The following LANCL1 variants were observed in gnomAD, a reference collection of about 807,000 sequenced individuals.
The protein encoded by LANCL1 is LanC like glutathione S-transferase 1, also known as glutathione S-transferase LANCL1.
In LANCL1, 50 loss-of-function variants were observed where a neutral mutation model predicts 50.6. The observed-to-expected ratio is 0.99, with a 90% CI of 0.79 to 1.25. The LOEUF is 1.25. Ranked by LOEUF, LANCL1 falls within the 50% of genes most tolerant of loss-of-function variation. The pLI is 0.00. For missense variants in LANCL1, 532 were observed against 480.7 expected, an observed-to-expected ratio of 1.11 and a Z score of -1.00; for synonymous variants, 188 against 178.6, an observed-to-expected ratio of 1.05 and a Z score of -0.42.
rs774324892 is a variant in LANCL1 at position 210,455,201 on chromosome 2, T to C, written c.313A>G (p.Thr105Ala). ...SLNCLTKRSI[T>A]FLCGDAGPLA... ...GGGCCTGCATCCCCACAAAGGAAGG[T>C]GATGGAGCGCTTGGTTAAGCAGTTC... The change falls in exon 4 of 10, where the codon ACC (threonine) becomes GCC (alanine). Residue 105 changes from threonine to alanine, a missense_variant. Thr to Ala is a moderately conservative substitution (Grantham distance 58). Transcript: ENST00000450366. The C allele has an allele frequency of 6.2e-7, 1 of 1,613,338 alleles. No homozygotes were observed. The highest frequency in any genetic ancestry group is 2.2e-5 in the East Asian group (1 of 44,846).
At position 210,433,308 on chromosome 2, in the gene LANCL1, T is replaced by C. The variant is rs989401964; in HGVS notation, c.*1179A>G. 6.6e-6 allele frequency: 1 copy of C among 152,206 alleles called. No individual in the cohort carries two copies. Among genetic ancestry groups the C allele is most frequent in the Admixed American group, 6.5e-5 (1 of 15,278 alleles). 9.4% of individuals were successfully genotyped at this position (152,206 alleles called of 1,614,324 possible). ...TCTGTGGTCTCAGAAACTGATGAAT[T>C]GTTAAGTCTAGGATACGCAAAGATG... On this transcript the variant is annotated 3_prime_UTR_variant, in exon 10 of 10. Transcript: ENST00000450366.
chr2:210,451,717 A>T (rs1358253126), intron 4 of LANCL1, among the ~76,000 whole-genome samples: 2 of 152,138 alleles, frequency 1.3e-5, no homozygotes, highest in Admixed American at 6.5e-5. Context: ...CCCCCATAGC[A>T]CTCACAGCCC....
intron 3 of LANCL1, among the ~76,000 whole-genome samples, chr2:210,470,868 C>T (rs978815558): frequency 7.9e-5 from 12 of 152,058 alleles, no homozygotes; most frequent in Non-Finnish European, 1.3e-4. Context: ...AAATTCCACT[C>T]CTTAAAATCA....
At chr2:210,470,413 C>G (rs1458236722) in intron 3 of LANCL1, among the ~76,000 whole-genome samples, 2 of 151,920 alleles carry the variant, frequency 1.3e-5, no homozygotes, top group African/African-American at 2.4e-5. Flanking sequence ...ATCTGTCTTC[C>G]CTACCCTTGT....
intron 3 of LANCL1, among the ~76,000 whole-genome samples, chr2:210,469,499 A>G (rs1438955135): frequency 6.6e-6 from 1 of 152,148 alleles, no homozygotes; most frequent in Non-Finnish European, 1.5e-5. Context: ...CCATTAGCAA[A>G]TTTATCTAGA....
Position 210,435,743 on chromosome 2 carries a change from T to C in LANCL1, c.1051-284A>G, listed in dbSNP as rs143162569. On this transcript the variant is annotated intron_variant, in intron 8 of 9. Transcript: ENST00000450366. ...CCATTAATGCTGTTGAGTAGAATTA[T>C]GTCCCTTTAAAGGAATGCTAATTTA... Among the ~76,000 whole-genome samples the C allele has an allele frequency of 3.2e-3, 480 of 152,252 alleles. 3 individuals are homozygous for C. The highest frequency in any genetic ancestry group is 0.01 in the African/African-American group (428 of 41,524).
chr2:210,448,919 CAG>C (rs1356238583), intron 4 of LANCL1, among the ~76,000 whole-genome samples: 1 of 152,108 alleles, frequency 6.6e-6, no homozygotes, highest in East Asian at 1.9e-4. Context: ...CGAATTCTAC[CAG>C]AGGTACAAGG....
chr2:210,472,437 A>G (rs1694252520), intron 2 of LANCL1, among the ~76,000 whole-genome samples: 1 of 152,198 alleles, frequency 6.6e-6, no homozygotes, highest in Non-Finnish European at 1.5e-5. Flanking sequence ...GGTGCTTTCA[A>G]ACTACTGGAT....
chr2:210,459,067 C>T (rs1168458107), intron 3 of LANCL1, among the ~76,000 whole-genome samples: 1 of 152,018 alleles, frequency 6.6e-6, no homozygotes, highest in Non-Finnish European at 1.5e-5. Context: ...GACATGCTTC[C>T]TTCCCTTCAT....
At chr2:210,471,534 G>A (rs866488751) in intron 3 of LANCL1, 75 of 457,824 alleles carry the variant, frequency 1.6e-4, no homozygotes, top group Non-Finnish European at 7.0e-5. Flanking sequence ...ATGGATTCCT[G>A]TTACGGGTTA....
At chr2:210,459,721 A>G (rs1239518789) in intron 3 of LANCL1, among the ~76,000 whole-genome samples, 1 of 149,594 alleles carries the variant, frequency 6.7e-6, no homozygotes, top group Non-Finnish European at 1.5e-5. Context: ...TGGTCTTGAA[A>G]TGTTGATAAC....
At chr2:210,465,238 G>C (rs1453925450) in intron 3 of LANCL1, among the ~76,000 whole-genome samples, 1 of 152,164 alleles carries the variant, frequency 6.6e-6, no homozygotes, top group Non-Finnish European at 1.5e-5. Flanking sequence ...ACAGGAAAGA[G>C]TAATCTCTTC....
chr2:210,457,866 T>C (rs188847381), intron 3 of LANCL1, among the ~76,000 whole-genome samples: 289 of 152,294 alleles, frequency 1.9e-3, no homozygotes, highest in Non-Finnish European at 3.0e-3. Flanking sequence ...CAAATGTATC[T>C]TGCCTTTCTC....
At chr2:210,450,125 G>C (rs568657517) in intron 4 of LANCL1, among the ~76,000 whole-genome samples, 1 of 152,228 alleles carries the variant, frequency 6.6e-6, no homozygotes, top group South Asian at 2.1e-4. Flanking sequence ...AAACAGCATG[G>C]TACTGGTACC....
At chr2:210,447,977 C>G (rs568948282) in intron 4 of LANCL1, among the ~76,000 whole-genome samples, 1 of 152,206 alleles carries the variant, frequency 6.6e-6, no homozygotes, top group South Asian at 2.1e-4. Flanking sequence ...ATATTCACGA[C>G]TTAAACTCAG....
intron 4 of LANCL1, among the ~76,000 whole-genome samples, chr2:210,442,319 T>G (rs575847586): frequency 2.0e-5 from 3 of 152,332 alleles, no homozygotes; most frequent in African/African-American, 4.8e-5. Flanking sequence ...TTGTGTGTAT[T>G]CCTAGATTTT....
At chr2:210,444,358 C>T (rs539613734) in intron 4 of LANCL1, among the ~76,000 whole-genome samples, 4 of 152,084 alleles carry the variant, frequency 2.6e-5, no homozygotes, top group South Asian at 2.1e-4. Context: ...TACTTCCACA[C>T]GCTTGTGGTG....
At chr2:210,450,066 T>C (rs1693466469) in intron 4 of LANCL1, among the ~76,000 whole-genome samples, 1 of 152,068 alleles carries the variant, frequency 6.6e-6, no homozygotes, top group Non-Finnish European at 1.5e-5. Flanking sequence ...CAAGGCTGGA[T>C]GCATCATGCT....
At chr2:210,473,169 A>G (rs185042502) in intron 2 of LANCL1, among the ~76,000 whole-genome samples, 2 of 152,288 alleles carry the variant, frequency 1.3e-5, no homozygotes, top group Admixed American at 1.3e-4. Context: ...TGAGGTTAGG[A>G]GTTCGAGACC....
Sources: gnomAD v4.1 joint callset for allele counts (sites outside exome capture counted in the v4.1 genomes callset) on GRCh38, gnomAD v4.1.1 for gene constraint, MANE v1.5 for transcripts, NCBI Gene and HGNC (gene_info 2026-07-23, HGNC 2026-07-21) for gene names.